Variants in PRKAG2 observed in about 807,000 individuals in gnomAD.
PRKAG2 encodes the protein 5'-AMP-activated protein kinase subunit gamma-2.
Under a neutral mutation model 69.6 loss-of-function variants are expected in PRKAG2, and 26 were observed. That is an observed-to-expected ratio of 0.37 (90% confidence interval 0.27 to 0.52). The LOEUF (loss-of-function observed/expected upper bound fraction) is 0.52. PRKAG2 is among the 20% of genes least tolerant of loss of function. The pLI is 0.90. For missense variants in PRKAG2, 557 were observed against 740.0 expected (o/e 0.75, Z 2.87); for synonymous variants, 293 against 285.0 (o/e 1.03, Z -0.28).
chr7:151,658,707 T>C (rs1020193786), intron 4 of PRKAG2, among the ~76,000 whole-genome samples: 5 of 152,124 alleles, frequency 3.3e-5, no homozygotes, highest in African/African-American at 1.2e-4. Context: ...ATGAAGAACA[T>C]GTTATAAGAT....
intron 5 of PRKAG2, among the ~76,000 whole-genome samples, chr7:151,618,698 G>A (rs924732086): frequency 2.6e-5 from 4 of 152,140 alleles, no homozygotes; most frequent in African/African-American, 9.7e-5. Context: ...CTAGGAGGCG[G>A]GGTTTGCAGT....
intron 3 of PRKAG2, among the ~76,000 whole-genome samples, chr7:151,740,427 G>A (rs1233591992): frequency 6.7e-6 from 1 of 149,018 alleles, no homozygotes; most frequent in South Asian, 2.1e-4. Flanking sequence ...ATACGAACCC[G>A]AGTTACTGCA....
At chr7:151,716,715 CA>C (rs1471072468) in intron 3 of PRKAG2, among the ~76,000 whole-genome samples, 1 of 152,164 alleles carries the variant, frequency 6.6e-6, no homozygotes, top group Non-Finnish European at 1.5e-5. Flanking sequence ...GAACGGGGAC[CA>C]GTGAAATTAG....
intron 8 of PRKAG2, among the ~76,000 whole-genome samples, chr7:151,573,182 A>G (rs111386955): frequency 0.14 from 21,291 of 150,168 alleles, 1,645 homozygotes; most frequent in African/African-American, 0.17. Flanking sequence ...TTTTGAGACA[A>G]GGTCTCATTC....
At chr7:151,797,234 C>G (rs975068978) in intron 1 of PRKAG2, among the ~76,000 whole-genome samples, 1 of 151,514 alleles carries the variant, frequency 6.6e-6, no homozygotes, top group Non-Finnish European at 1.5e-5. Context: ...GCCACCCCCC[C>G]CACCCCCCAC....
At chr7:151,860,389 T>C (rs2079889050) in intron 1 of PRKAG2, among the ~76,000 whole-genome samples, 1 of 152,186 alleles carries the variant, frequency 6.6e-6, no homozygotes, top group Admixed American at 6.5e-5. Context: ...TTGCTTGTCC[T>C]TGCCCACCCC....
At chr7:151,685,873 T>C (rs1387590569) in intron 3 of PRKAG2, among the ~76,000 whole-genome samples, 1 of 152,104 alleles carries the variant, frequency 6.6e-6, no homozygotes, top group Non-Finnish European at 1.5e-5. Flanking sequence ...TTCTCAGCAA[T>C]CTATATTTTT....
At chr7:151,573,794 T>C (rs1344891531) in intron 8 of PRKAG2, among the ~76,000 whole-genome samples, 1 of 152,210 alleles carries the variant, frequency 6.6e-6, no homozygotes. Flanking sequence ...TGTTTGTTTT[T>C]CGGAGACAGA....
At position 151,638,353 on chromosome 7, in the gene PRKAG2, A is replaced by G. The variant is rs4726076; in HGVS notation, c.685-6215T>C. Among the ~76,000 whole-genome samples the G allele has an allele frequency of 0.15, 22,363 of 152,094 alleles. 1,967 individuals carry two copies. Among genetic ancestry groups the G allele is most frequent in the African/African-American group, 0.23 (9,510 of 41,488 alleles). On this transcript the variant is annotated intron_variant, in intron 4 of 15. Transcript: ENST00000287878. The surrounding 1 kb of genome is among the most constrained non-coding windows in gnomAD (Gnocchi z 4.3). The stretch of plus-strand genomic sequence containing the variant: ...GGTTGGTAAAAAATGCTAAATTATT[A>G]TCCCGGCATGGTGGCTCATGCCTGT...
chr7:151,781,424 C>T lies in PRKAG2; in HGVS notation c.194G>A (p.Ser65Asn). The change falls in exon 3 of 16, where the codon AGC becomes AAC. Residue 65 changes from serine to asparagine, a missense_variant. Physicochemically the swap from Ser to Asn is conservative, Grantham distance 46. This residue lies in a region of PRKAG2 where 352 missense variants were observed against 356.7 expected (regional missense o/e 0.99). Transcript: ENST00000287878. The surrounding 1 kb of genome is among the most constrained non-coding windows in gnomAD (Gnocchi z 6.1). ...GGAGGGGCTGCCCGGGCCGAAGGGGCTGTCCACCTGCAGAAAAACAGACGA... is the reference window on the plus strand; with the variant it reads ...GGAGGGGCTGCCCGGGCCGAAGGGGTTGTCCACCTGCAGAAAAACAGACGA... ...SGKHSSRKVD[S>N]PFGPGSPSKG... 1 of 1,605,798 alleles carries T rather than the reference C, an allele frequency of 6.2e-7. No individual in the cohort carries two copies. Among genetic ancestry groups the T allele is most frequent in the Non-Finnish European group, 8.5e-7 (1 of 1,176,652 alleles).
intron 11 of PRKAG2, chr7:151,566,721 AAAAG>A: frequency 2.7e-6 from 1 of 363,708 alleles, no homozygotes; most frequent in Non-Finnish European, 5.4e-6. Context: ...GAGAAAAAAA[AAAAG>A]AAAGCCCTAT....
intron 6 of PRKAG2, 68 bp from the exon 7 acceptor site, chr7:151,576,520 A>C: frequency 7.4e-7 from 1 of 1,343,372 alleles, no homozygotes; most frequent in Non-Finnish European, 1.0e-6. Context: ...TTTTTTTTTG[A>C]GACAAGGTTT....
Position 151,828,436 on chromosome 7 carries a change from G to A in PRKAG2, c.115-41895C>T, listed in dbSNP as rs2078956030. ...AGAGAGAATGAACAGTTTAATGCATGAAGAAAAAGAATGACCCTAAAAGCC... is the reference window on the plus strand; with the variant it reads ...AGAGAGAATGAACAGTTTAATGCATAAAGAAAAAGAATGACCCTAAAAGCC... On this transcript the variant is annotated intron_variant, in intron 1 of 15. Coordinates refer to ENST00000287878, the MANE Select transcript of PRKAG2 (RefSeq NM_016203.4). This position sits in a 1 kb window ranked among gnomAD's most constrained non-coding sequence, Gnocchi z 4.6. 6.6e-6 allele frequency among the ~76,000 whole-genome samples: 1 copy of A among 152,184 alleles called. No homozygotes were observed. The highest frequency in any genetic ancestry group is 6.5e-5 in the Admixed American group (1 of 15,280).
intron 1 of PRKAG2, among the ~76,000 whole-genome samples, chr7:151,855,254 C>T (rs376851564): frequency 1.1e-3 from 94 of 87,538 alleles, no homozygotes; most frequent in Non-Finnish European, 1.4e-3. Flanking sequence ...ACACACACCA[C>T]CCTCCACACA....
chr7:151,815,124 C>A (rs2078603060), intron 1 of PRKAG2, among the ~76,000 whole-genome samples: 1 of 152,104 alleles, frequency 6.6e-6, no homozygotes, highest in African/African-American at 2.4e-5. Context: ...TCCCCTCTGG[C>A]CAGAAGGATG....
At chr7:151,841,858 TGGTA>T (rs1357266543) in intron 1 of PRKAG2, among the ~76,000 whole-genome samples, 2 of 139,412 alleles carry the variant, frequency 1.4e-5, no homozygotes, top group Admixed American at 7.2e-5. Context: ...TGGGTAGTGA[TGGTA>T]GGTAGGGATG....
At chr7:151,855,296 AC>A (rs1414109339) in intron 1 of PRKAG2, among the ~76,000 whole-genome samples, 10 of 90,374 alleles carry the variant, frequency 1.1e-4, no homozygotes, top group East Asian at 5.5e-4. Context: ...CCCTCCACAC[AC>A]CACCCTCCAC....
intron 1 of PRKAG2, chr7:151,815,013 A>G: frequency 3.9e-6 from 1 of 258,704 alleles, no homozygotes; most frequent in Non-Finnish European, 6.0e-6. Context: ...TGGCCAGCAC[A>G]ACCCCTGCAC....
chr7:151,844,476 G>A (rs951245555), intron 1 of PRKAG2, among the ~76,000 whole-genome samples: 3 of 152,200 alleles, frequency 2.0e-5, no homozygotes, highest in Non-Finnish European at 4.4e-5. Context: ...CCACCTGGGT[G>A]AGCGTGTCCA....
Sources: allele counts gnomAD v4.1 joint callset (sites outside exome capture counted in the v4.1 genomes callset), GRCh38; gene constraint gnomAD v4.1.1; regional missense constraint gnomAD v4.1.1; non-coding constraint Gnocchi (gnomAD v3.1); transcripts MANE v1.5; gene names NCBI Gene and HGNC (gene_info 2026-07-23, HGNC 2026-07-21).